The following CDH8 variants were observed in gnomAD, a reference collection of about 807,000 sequenced individuals.
CDH8 encodes cadherin-8.
CDH8 carries 17 observed loss-of-function variants against 68.1 expected under a neutral mutation model. That is an observed-to-expected ratio of 0.25 (90% confidence interval 0.17 to 0.37). The LOEUF is 0.37. Ranked by LOEUF, CDH8 falls within the 10% of genes least tolerant of loss-of-function variation. The pLI, the probability that CDH8 is intolerant of heterozygous loss-of-function variation, is 1.00. For synonymous variants in CDH8, 372 were observed against 365.1 expected, an observed-to-expected ratio of 1.02 and a Z score of -0.21; for missense variants, 763 against 999.3, an observed-to-expected ratio of 0.76 and a Z score of 3.19.
intron 2 of CDH8, among the ~76,000 whole-genome samples, chr16:61,902,507 C>A (rs2143272213): frequency 6.9e-6 from 1 of 145,810 alleles, no homozygotes; most frequent in Middle Eastern, 3.6e-3. Flanking sequence ...CTTCAATGTA[C>A]ATATTTTCAG....
At chr16:61,823,599 C>A (rs1007637592) in intron 5 of CDH8, among the ~76,000 whole-genome samples, 18 of 151,856 alleles carry the variant, frequency 1.2e-4, no homozygotes, top group Non-Finnish European at 7.4e-5. Flanking sequence ...CAGAAAAAAA[C>A]ATTGGAGGAA....
chr16:61,870,736 C>T (rs1963340597), intron 3 of CDH8, among the ~76,000 whole-genome samples: 2 of 152,236 alleles, frequency 1.3e-5, no homozygotes, highest in Admixed American at 1.3e-4. Context: ...AACATGTGCC[C>T]AACATGGTTG....
intron 2 of CDH8, among the ~76,000 whole-genome samples, chr16:61,912,857 A>G (rs912739073): frequency 6.6e-6 from 1 of 152,116 alleles, no homozygotes; most frequent in Non-Finnish European, 1.5e-5. Context: ...ATTACCCCAT[A>G]TAGCTTGACT....
intron 2 of CDH8, among the ~76,000 whole-genome samples, chr16:61,963,318 T>G (rs1965191022): frequency 6.6e-6 from 1 of 152,200 alleles, no homozygotes; most frequent in Admixed American, 6.5e-5. Flanking sequence ...AAATACTCCA[T>G]CATGTTTGTT....
At position 61,648,367 on chromosome 16, in the gene CDH8, G is replaced by C. The variant is rs1156496274; in HGVS notation, c.*5241C>G. ...AGTATTTGGAAAAGCTGTGATTTCTGTTGCACCCATTCTTGAGTTCCCATC... is the reference window on the plus strand; with the variant it reads ...AGTATTTGGAAAAGCTGTGATTTCTCTTGCACCCATTCTTGAGTTCCCATC... On this transcript the variant is annotated 3_prime_UTR_variant, in exon 12 of 12. Transcript: ENST00000577390. The C allele has an allele frequency of 6.6e-6, 1 of 152,376 alleles. No individual in the cohort carries two copies. The highest frequency in any genetic ancestry group is 1.5e-5 in the Non-Finnish European group (1 of 68,386). The allele number at this position is 152,376 out of a possible 1,614,324, so 9.4% of individuals were successfully genotyped here. A position where few individuals can be genotyped will look rare whatever the true frequency, so the allele number is the denominator to read the frequency against.
chr16:61,795,551 G>T (rs1401071343), intron 7 of CDH8, among the ~76,000 whole-genome samples: 1 of 152,026 alleles, frequency 6.6e-6, no homozygotes, highest in East Asian at 1.9e-4. Flanking sequence ...GTTGATAAAT[G>T]ATTCACATTT....
At chr16:61,919,140 A>G (rs1964313340) in intron 2 of CDH8, among the ~76,000 whole-genome samples, 1 of 145,550 alleles carries the variant, frequency 6.9e-6, no homozygotes, top group South Asian at 2.3e-4. Context: ...AACAGAAAGG[A>G]CATCCACACC....
chr16:62,035,529 C>G (rs1902435100), intron 1 of CDH8, among the ~76,000 whole-genome samples: 1 of 152,178 alleles, frequency 6.6e-6, no homozygotes, highest in Non-Finnish European at 1.5e-5. Context: ...CTGGGGCTTT[C>G]GCAGCTGAGC....
At chr16:61,864,598 C>A (rs1963218688) in intron 3 of CDH8, among the ~76,000 whole-genome samples, 1 of 152,060 alleles carries the variant, frequency 6.6e-6, no homozygotes, top group Non-Finnish European at 1.5e-5. Flanking sequence ...TATTAGCTAC[C>A]AAATATCCAA....
intron 10 of CDH8, among the ~76,000 whole-genome samples, chr16:61,674,950 AAAAAAAAC>A (rs1402499329): frequency 5.6e-4 from 85 of 151,918 alleles, no homozygotes; most frequent in African/African-American, 2.0e-3. Context: ...AAAGCAAAAA[AAAAAAAAC>A]AAAAAAACTA....
chr16:61,828,658 A>G (rs1429671683), intron 4 of CDH8, among the ~76,000 whole-genome samples: 3 of 151,870 alleles, frequency 2.0e-5, no homozygotes, highest in Non-Finnish European at 2.9e-5. Flanking sequence ...CTCATAGGTT[A>G]AACCTGTGTT....
intron 2 of CDH8, among the ~76,000 whole-genome samples, chr16:62,003,625 C>T (rs560316948): frequency 5.3e-5 from 8 of 152,218 alleles, no homozygotes; most frequent in African/African-American, 1.9e-4. Flanking sequence ...CGCAGCATTA[C>T]AGAAGTCAAC....
chr16:61,900,883 T>C (rs1004008791), intron 3 of CDH8, among the ~76,000 whole-genome samples: 9 of 152,204 alleles, frequency 5.9e-5, no homozygotes, highest in African/African-American at 2.2e-4. Flanking sequence ...TTGATAAATC[T>C]GCCTCAGTAA....
chr16:61,917,616 T>C (rs1009289558), intron 2 of CDH8, among the ~76,000 whole-genome samples: 4 of 152,186 alleles, frequency 2.6e-5, no homozygotes, highest in African/African-American at 9.7e-5. Flanking sequence ...TTGCTGCCTA[T>C]CTGTAAGTAA....
At chr16:61,774,856 G>A (rs186121701) in intron 8 of CDH8, among the ~76,000 whole-genome samples, 3 of 152,220 alleles carry the variant, frequency 2.0e-5, no homozygotes, top group East Asian at 1.9e-4. Context: ...AAATAAACAC[G>A]TACAACAAAG....
chr16:61,751,271 A>C (rs897376456), intron 8 of CDH8, among the ~76,000 whole-genome samples: 1 of 151,228 alleles, frequency 6.6e-6, no homozygotes, highest in African/African-American at 2.4e-5. Flanking sequence ...TTAGCTTGAT[A>C]TAGACATAGA....
chr16:61,912,279 G>A (rs1964174965), intron 2 of CDH8, among the ~76,000 whole-genome samples: 1 of 151,822 alleles, frequency 6.6e-6, no homozygotes, highest in South Asian at 2.1e-4. Context: ...AAAATAGGAG[G>A]GTGACAATGG....
intron 2 of CDH8, among the ~76,000 whole-genome samples, chr16:61,913,696 A>G (rs1480718821): frequency 1.3e-5 from 2 of 152,148 alleles, no homozygotes; most frequent in African/African-American, 4.8e-5. Context: ...AAACCAAACA[A>G]AACTTCAAAG....
chr16:61,921,094 G>C (rs1225031581), intron 2 of CDH8, among the ~76,000 whole-genome samples: 1 of 127,938 alleles, frequency 7.8e-6, no homozygotes, highest in Non-Finnish European at 1.6e-5. Context: ...TCACACTCTG[G>C]GGACTGTTGT....
Sources: gnomAD v4.1 joint callset for allele counts (sites outside exome capture counted in the v4.1 genomes callset) on GRCh38, gnomAD v4.1.1 for gene constraint, MANE v1.5 for transcripts, NCBI Gene and HGNC (gene_info 2026-07-23, HGNC 2026-07-21) for gene names.